The following INSC variants were observed in gnomAD, a reference collection of about 807,000 sequenced individuals.
INSC encodes INSC spindle orientation adaptor protein.
In INSC, 67 loss-of-function variants were observed where a neutral mutation model predicts 58.6. The observed-to-expected ratio is 1.14, with a 90% CI of 0.94 to 1.40. The LOEUF (loss-of-function observed/expected upper bound fraction) is 1.40. Ranked by LOEUF, INSC falls within the 40% of genes most tolerant of loss-of-function variation. The pLI is 0.00. For missense variants in INSC, 714 were observed against 692.0 expected, an observed-to-expected ratio of 1.03 and a Z score of -0.36; for synonymous variants, 262 against 276.1, an observed-to-expected ratio of 0.95 and a Z score of 0.51.
chr11:15,174,656 A>G lies in INSC; in HGVS notation c.57-1085A>G, dbSNP rs535177718. Among the ~76,000 whole-genome samples the G allele has an allele frequency of 5.3e-5, 8 of 152,372 alleles. No individual in the cohort carries two copies. The South Asian group carries it at 6.2e-4, about 12-fold the overall frequency. On this transcript the variant is annotated intron_variant, in intron 2 of 12. Transcript: ENST00000379556. Reference sequence around the variant, plus strand: ...GCCAAAGACAAAGGAACTTGCACTCAGCCTTAGTCATTAGCTATGCATGTC... The same window carrying G: ...GCCAAAGACAAAGGAACTTGCACTCGGCCTTAGTCATTAGCTATGCATGTC...
At chr11:15,221,428 G>A in intron 7 of INSC, 49 bp from the exon 8 acceptor site, 1 of 1,559,118 alleles carries the variant, frequency 6.4e-7, no homozygotes, top group Non-Finnish European at 8.7e-7. Context: ...GTCATGGGCA[G>A]TGGTGTCCAC....
intron 3 of INSC, 77 bp from the exon 4 acceptor site, chr11:15,177,033 TC>T: frequency 9.3e-7 from 1 of 1,076,256 alleles, no homozygotes; most frequent in Non-Finnish European, 1.4e-6. Flanking sequence ...ATGTTTAATG[TC>T]CCCGTGTGCT....
At chr11:15,195,341 T>G (rs1850335173) in intron 6 of INSC, among the ~76,000 whole-genome samples, 1 of 152,150 alleles carries the variant, frequency 6.6e-6, no homozygotes, top group Admixed American at 6.5e-5. Context: ...ACATGCTGGA[T>G]TTGGGCTCTC....
At position 15,240,487 on chromosome 11, in the gene INSC, G is replaced by A. The variant is rs772634364; in HGVS notation, c.1434G>A (p.Glu478=). ...RLIELCRSPS[E]RNSSDAVLVA... is the part of the protein sequence containing the mutation. ...TCGAGCTCTGCAGATCCCCATCAGAGAGGAACAGCAGTGACGCCGTGCTTG... is the reference window on the plus strand; with the variant it reads ...TCGAGCTCTGCAGATCCCCATCAGAAAGGAACAGCAGTGACGCCGTGCTTG... Residue 478 remains glutamate, a synonymous_variant, in exon 12 of 13, where the codon GAG becomes GAA. Coordinates refer to ENST00000379556, the MANE Select transcript of INSC (RefSeq NM_001042536.3). 11 of 1,613,944 alleles carry A rather than the reference G, an allele frequency of 6.8e-6. No homozygotes were observed. Among genetic ancestry groups the A allele is most frequent in the Non-Finnish European group, 9.3e-6 (11 of 1,179,962 alleles).
At chr11:15,226,797 GTGT>G (rs1851657559) in intron 9 of INSC, among the ~76,000 whole-genome samples, 1 of 123,468 alleles carries the variant, frequency 8.1e-6, no homozygotes, top group Non-Finnish European at 1.7e-5. Flanking sequence ...TCACAATGCA[GTGT>G]TGACTTATCT....
intron 1 of INSC, among the ~76,000 whole-genome samples, chr11:15,127,014 G>A (rs1289074030): frequency 6.6e-6 from 1 of 152,190 alleles, no homozygotes; most frequent in Non-Finnish European, 1.5e-5. Context: ...TCCTGATCAT[G>A]GCTGTTGCCA....
At chr11:15,150,115 C>T (rs1006430726) in intron 2 of INSC, among the ~76,000 whole-genome samples, 22 of 152,140 alleles carry the variant, frequency 1.4e-4, no homozygotes, top group Non-Finnish European at 2.8e-4. Context: ...GTGGTATTTC[C>T]TTTAATACGT....
rs1170338355 is a variant in INSC at position 15,230,022 on chromosome 11, A to ATTATAT, written c.1170+4195_1170+4196insTATATT. Among the ~76,000 whole-genome samples, 10 of 58,834 alleles carry ATTATAT rather than the reference A, an allele frequency of 1.7e-4. 1 individual carries two copies. The highest frequency in any genetic ancestry group is 6.9e-4 in the African/African-American group (10 of 14,526). The allele number at this position is 58,834 out of a possible 152,430, so 38.6% of individuals were successfully genotyped here. On this transcript the variant is annotated intron_variant, in intron 9 of 12. Transcript: ENST00000379556. Reference sequence around the variant, plus strand: ...ATATATATATATATATAATATATATATATATATATATATATATAAAAGCCA... The same window carrying ATTATAT: ...ATATATATATATATATAATATATATATTATATTATATATATATATATATAAAAGCCA...
chr11:15,252,291 T>G, the INSC span, among the ~76,000 whole-genome samples: 1 of 152,190 alleles, frequency 6.6e-6, no homozygotes. Context: ...AAATTAATGG[T>G]GAATGTTGCA....
chr11:15,258,272 C>T, the INSC span, among the ~76,000 whole-genome samples: 3 of 152,154 alleles, frequency 2.0e-5, no homozygotes, highest in South Asian at 2.1e-4. Context: ...TAAAGCCCTG[C>T]CTCTCTTTCG....
At chr11:15,247,733 G>GTATATATATATATATA (rs57312382), downstream of INSC, among the ~76,000 whole-genome samples, 402 of 127,442 alleles carry the variant, frequency 3.2e-3, 8 homozygotes, top group Middle Eastern at 0.013. Flanking sequence ...TAGAAATAAG[G>GTATATATATATATATA]TATATATATA....
At chr11:15,178,779 C>T (rs1313691090) in intron 5 of INSC, among the ~76,000 whole-genome samples, 2 of 152,168 alleles carry the variant, frequency 1.3e-5, no homozygotes, top group Non-Finnish European at 2.9e-5. Context: ...CCACCCTTCC[C>T]AGAGCCTGTG....
intron 7 of INSC, among the ~76,000 whole-genome samples, chr11:15,218,158 A>G (rs1851293448): frequency 6.6e-6 from 1 of 152,230 alleles, no homozygotes; most frequent in South Asian, 2.1e-4. Context: ...GAATGCATAA[A>G]TGAATTGAAA....
At chr11:15,186,483 G>A (rs1246057849) in intron 5 of INSC, among the ~76,000 whole-genome samples, 2 of 152,104 alleles carry the variant, frequency 1.3e-5, no homozygotes, top group Non-Finnish European at 2.9e-5. Context: ...TAATCTAGAT[G>A]TTGGGATTTC....
At chr11:15,218,570 A>G (rs1851313831) in intron 7 of INSC, among the ~76,000 whole-genome samples, 1 of 152,124 alleles carries the variant, frequency 6.6e-6, no homozygotes, top group Admixed American at 6.5e-5. Context: ...CTCTATATAT[A>G]TATATGTACA....
chr11:15,221,846 A>G (rs10500809), intron 8 of INSC, among the ~76,000 whole-genome samples, 198 bp downstream of exon 8: 17,283 of 152,232 alleles, frequency 0.11, 2,055 homozygotes, highest in African/African-American at 0.3. Flanking sequence ...AGAGTTTCCT[A>G]TTAAAATGTG....
chr11:15,175,725 T>C lies in INSC; in HGVS notation c.57-16T>C. 2 of 1,523,586 alleles carry C rather than the reference T, an allele frequency of 1.3e-6. No individual in the cohort carries two copies. The highest frequency in any genetic ancestry group is 8.9e-7 in the Non-Finnish European group (1 of 1,128,914). The allele number at this position is 1,523,586 out of a possible 1,614,324, so 94.4% of individuals were successfully genotyped here. A position where few individuals can be genotyped will look rare whatever the true frequency, so the allele number is the denominator to read the frequency against. ...GGGGTGTTGATAATTATCGTGGTGC[T>C]GTTTCCTGGTTGCAGGCTACACCTG... On this transcript the variant is annotated splice_polypyrimidine_tract_variant and intron_variant, in intron 2 of 12. Transcript: ENST00000379556.
At chr11:15,151,936 G>A (rs1185019577) in intron 2 of INSC, among the ~76,000 whole-genome samples, 1 of 152,176 alleles carries the variant, frequency 6.6e-6, no homozygotes, top group East Asian at 1.9e-4. Context: ...CCAGTGAAGA[G>A]TCAGGGTGGC....
chr11:15,243,864 CTCTTT>C (rs540120896), intron 12 of INSC, among the ~76,000 whole-genome samples: 2 of 151,736 alleles, frequency 1.3e-5, no homozygotes, highest in African/African-American at 4.8e-5. Context: ...TAAGGGCTCT[CTCTTT>C]TATTTTCTTT....
Sources: gnomAD v4.1 joint callset for allele counts (sites outside exome capture counted in the v4.1 genomes callset) on GRCh38, gnomAD v4.1.1 for gene constraint, MANE v1.5 for transcripts, NCBI Gene and HGNC (gene_info 2026-07-23, HGNC 2026-07-21) for gene names.